The following BEGAIN variants were observed in gnomAD, a reference collection of about 807,000 sequenced individuals.
The protein encoded by BEGAIN is brain-enriched guanylate kinase-associated protein.
BEGAIN carries 19 observed loss-of-function variants against 35.8 expected under a neutral mutation model. The ratio of observed to expected loss-of-function variants is 0.53; its 90% confidence interval spans 0.37 to 0.78. BEGAIN has a LOEUF of 0.78. Among genes scored for constraint, BEGAIN ranks in the 30% least tolerant of loss-of-function variants. The pLI is 0.00. For missense variants in BEGAIN, 795 were observed against 853.6 expected, an observed-to-expected ratio of 0.93 and a Z score of 0.85; for synonymous variants, 462 against 388.6, an observed-to-expected ratio of 1.19 and a Z score of -2.22.
intron 5 of BEGAIN, among the ~76,000 whole-genome samples, chr14:100,542,345 C>T (rs915788319): frequency 7.2e-5 from 11 of 152,238 alleles, no homozygotes; most frequent in Admixed American, 5.9e-4. Context: ...CGCCTGGTGT[C>T]CCCCAGCCTA....
At chr14:100,571,881 G>C (rs2035090480) in intron 1 of BEGAIN, among the ~76,000 whole-genome samples, 1 of 152,176 alleles carries the variant, frequency 6.6e-6, no homozygotes, top group Non-Finnish European at 1.5e-5. Context: ...TGCACGGCCG[G>C]GGCCTCCCTT....
chr14:100,576,641 GA>G (rs1260470962), intron 1 of BEGAIN, among the ~76,000 whole-genome samples: 7 of 152,272 alleles, frequency 4.6e-5, no homozygotes, highest in African/African-American at 1.4e-4. Context: ...AGCCCACGAG[GA>G]CCCTCCCTGG....
In BEGAIN at chr14:100,538,096, G is replaced by A; in HGVS notation, c.1712C>T (p.Ala571Val). 6.3e-7 allele frequency: 1 copy of A among 1,581,044 alleles called. No individual in the cohort carries two copies. Residue 571 changes from alanine (A) to valine (V), a missense_variant, in exon 7 of 7, where the codon GCC becomes GTC. Ala to Val is a moderately conservative substitution (Grantham distance 64). Coordinates refer to ENST00000554140, the MANE Select transcript of BEGAIN (RefSeq NM_001385089.1). ...GGCGGCAGGATGCATTTCCGGGGAG[G>A]CCTCCATGGAGCTCGGCTCCAAGGA... is the stretch of plus-strand genomic sequence containing the variant. ...RDSLEPSSME[A>V]SPEMHPAARL...
chr14:100,555,657 A>T lies in BEGAIN; in HGVS notation c.72-8995T>A, dbSNP rs1460537798. Among the ~76,000 whole-genome samples, 6 of 152,360 alleles carry T rather than the reference A, an allele frequency of 3.9e-5. No individual in the cohort carries two copies. In the East Asian group the frequency reaches 1.2e-3, roughly 29 times the overall value. On this transcript the variant is annotated intron_variant, in intron 2 of 6. Coordinates refer to ENST00000554140, the MANE Select transcript of BEGAIN (RefSeq NM_001385089.1). The stretch of plus-strand genomic sequence containing the variant: ...CATTCTAGGCCAGCCTCACACTGAG[A>T]TGCCAGATTTTAATGTAAATAGTAG...
chr14:100,540,488 C>A lies in BEGAIN; in HGVS notation c.492+8G>T. 1.3e-6 allele frequency: 2 copies of A among 1,585,696 alleles called. No homozygotes were observed. Among genetic ancestry groups the A allele is most frequent in the Non-Finnish European group, 1.7e-6 (2 of 1,166,838 alleles). On this transcript the variant is annotated splice_region_variant and intron_variant, in intron 6 of 6. Transcript: ENST00000554140. ...GGCGGGGTGGGCCTGGCTGCGGGGCCACGTTACCTCAGACACCTTGTGGAC... is the reference window on the plus strand; with the variant it reads ...GGCGGGGTGGGCCTGGCTGCGGGGCAACGTTACCTCAGACACCTTGTGGAC...
intron 1 of BEGAIN, among the ~76,000 whole-genome samples, chr14:100,584,357 G>A (rs1373220017): frequency 6.6e-6 from 1 of 152,202 alleles, no homozygotes; most frequent in Non-Finnish European, 1.5e-5. Context: ...GCTGAGGCAA[G>A]GGCCACTTTT....
At position 100,538,379 on chromosome 14, in the gene BEGAIN, T is replaced by C. The variant is rs2030931088; in HGVS notation, c.1429A>G (p.Lys477Glu). 4.0e-6 allele frequency: 6 copies of C among 1,515,072 alleles called. No individual in the cohort carries two copies. The highest frequency in any genetic ancestry group is 5.3e-6 in the Non-Finnish European group (6 of 1,139,160). The allele number at this position is 1,515,072 out of a possible 1,614,324, so 93.9% of individuals were successfully genotyped here. A position where few individuals can be genotyped will look rare whatever the true frequency, so the allele number is the denominator to read the frequency against. The change falls in exon 7 of 7, where the codon AAG becomes GAG. Residue 477 changes from lysine to glutamate, a missense_variant. Coordinates refer to ENST00000554140, the MANE Select transcript of BEGAIN (RefSeq NM_001385089.1). ...GGGCTGGCGCGGCCGTCGGCCTTCT[T>C]GCCCGGGCTGCCCCCGGCCCCGCCG... is the stretch of plus-strand genomic sequence containing the variant. Reference protein sequence around the residue: ...YYGGAGGSPGKKADGRASPLY... With the variant: ...YYGGAGGSPGEKADGRASPLY...
Position 100,586,481 on chromosome 14 carries a change from C to G in BEGAIN, c.42+768G>C, listed in dbSNP as rs565537596. On this transcript the variant is annotated intron_variant, in intron 1 of 6. Coordinates refer to ENST00000554140, the MANE Select transcript of BEGAIN (RefSeq NM_001385089.1). The surrounding 1 kb of genome is among the most constrained non-coding windows in gnomAD (Gnocchi z 4.9). ...CAGCGCGTCGCCCACGCTGTTCCTGCCCTGAGGAAACCACATTGGGGATGG... is the reference window on the plus strand; with the variant it reads ...CAGCGCGTCGCCCACGCTGTTCCTGGCCTGAGGAAACCACATTGGGGATGG... 2.1e-3 allele frequency among the ~76,000 whole-genome samples: 320 copies of G among 152,260 alleles called. 1 individual carries two copies. The highest frequency in any genetic ancestry group is 7.4e-3 in the African/African-American group (307 of 41,564).
At chr14:100,542,465 C>T (rs549141263) in intron 5 of BEGAIN, among the ~76,000 whole-genome samples, 1 of 152,342 alleles carries the variant, frequency 6.6e-6, no homozygotes, top group East Asian at 1.9e-4. Context: ...CCGGCCTTCA[C>T]GCTCAACTCC....
intron 4 of BEGAIN, 73 bp downstream of exon 4, chr14:100,544,927 G>T: frequency 6.8e-7 from 1 of 1,470,098 alleles, no homozygotes; most frequent in Non-Finnish European, 9.4e-7. Flanking sequence ...AGTGGCCCAG[G>T]GGTGTCAGCT....
chr14:100,566,661 CG>C (rs1281833628), intron 2 of BEGAIN, among the ~76,000 whole-genome samples: 3 of 152,172 alleles, frequency 2.0e-5, no homozygotes, highest in Admixed American at 6.5e-5. Flanking sequence ...TGGGCCTCAC[CG>C]CCCCCACCTG....
chr14:100,538,736 G>C lies in BEGAIN; in HGVS notation c.1072C>G (p.Pro358Ala). 1 of 1,569,516 alleles carries C rather than the reference G, an allele frequency of 6.4e-7. No individual in the cohort carries two copies. Among genetic ancestry groups the C allele is most frequent in the Non-Finnish European group, 8.6e-7 (1 of 1,158,104 alleles). The change falls in exon 7 of 7, where the codon CCC (proline) becomes GCC (alanine). Residue 358 changes from proline to alanine, a missense_variant. By Grantham distance (27) the Pro-to-Ala change is conservative. This residue lies in a region of BEGAIN where 664 missense variants were observed against 647.7 expected (regional missense o/e 1.03). Coordinates refer to ENST00000554140, the MANE Select transcript of BEGAIN (RefSeq NM_001385089.1). ...SRDELFDRKP[P>A]ATTYEGSPRF... is the part of the protein sequence containing the mutation. ...GGGCTGCCCTCGTAGGTGGTGGCGG[G>C]TGGCTTGCGGTCGAAGAGCTCGTCG...
chr14:100,573,357 C>T lies in BEGAIN; in HGVS notation c.43-5418G>A, dbSNP rs566322730. Among the ~76,000 whole-genome samples the T allele has an allele frequency of 2.0e-5, 3 of 152,006 alleles. No individual in the cohort carries two copies. Among genetic ancestry groups the T allele is most frequent in the African/African-American group, 7.2e-5 (3 of 41,386 alleles). On this transcript the variant is annotated intron_variant, in intron 1 of 6. Coordinates refer to ENST00000554140, the MANE Select transcript of BEGAIN (RefSeq NM_001385089.1). The surrounding 1 kb of genome is among the most constrained non-coding windows in gnomAD (Gnocchi z 4.2). The stretch of plus-strand genomic sequence containing the variant: ...GGAGGTCGCTAGAGGAGCAGCCCTG[C>T]GGCTGTGCCTGGTGAGTTGGGAAGC...
intron 2 of BEGAIN, among the ~76,000 whole-genome samples, chr14:100,561,264 G>C (rs1225774557): frequency 6.6e-6 from 1 of 152,196 alleles, no homozygotes; most frequent in East Asian, 1.9e-4. Flanking sequence ...TGATGTCACC[G>C]CCCAAGGGGT....
chr14:100,558,470 G>T lies in BEGAIN; in HGVS notation c.71+9441C>A, dbSNP rs1274899420. Among the ~76,000 whole-genome samples the T allele has an allele frequency of 6.6e-6, 1 of 152,108 alleles. No individual in the cohort carries two copies. The highest frequency in any genetic ancestry group is 1.5e-5 in the Non-Finnish European group (1 of 68,020). ...GCGTGTCCCGGGGATCTGGCCTCCG[G>T]CATCTCCTTCCCTGGGTGCACTCAC... is the stretch of plus-strand genomic sequence containing the variant. On this transcript the variant is annotated intron_variant, in intron 2 of 6. Coordinates refer to ENST00000554140, the MANE Select transcript of BEGAIN (RefSeq NM_001385089.1). The surrounding 1 kb of genome is among the most constrained non-coding windows in gnomAD (Gnocchi z 4.6).
At chr14:100,580,988 C>T (rs1215270914) in intron 1 of BEGAIN, among the ~76,000 whole-genome samples, 2 of 152,166 alleles carry the variant, frequency 1.3e-5, no homozygotes, top group Non-Finnish European at 2.9e-5. Context: ...CCTCTACACC[C>T]GGACAGCCCT....
chr14:100,554,681 C>T (rs1010921119), intron 2 of BEGAIN, among the ~76,000 whole-genome samples: 1 of 152,066 alleles, frequency 6.6e-6, no homozygotes, highest in African/African-American at 2.4e-5. Context: ...TTGAGTGTTG[C>T]AGTGCCAGGT....
Position 100,538,693 on chromosome 14 carries a change from G to A in BEGAIN, c.1115C>T (p.Thr372Met), listed in dbSNP as rs1273560314. ...CTCCAGCGGGGCCGCCACCGCGGCC[G>A]TGGCCTTGGCAAAGCGAGGGCTGCC... is the stretch of plus-strand genomic sequence containing the variant. ...YEGSPRFAKATAAVAAPLEAE... is the reference protein window; with the variant it reads ...YEGSPRFAKAMAAVAAPLEAE... Residue 372 changes from threonine to methionine, a missense_variant, in exon 7 of 7, where the codon ACG becomes ATG. Physicochemically the swap from Thr to Met is moderately conservative, Grantham distance 81 (BLOSUM62 -1). Transcript: ENST00000554140. 4 of 1,557,244 alleles carry A rather than the reference G, an allele frequency of 2.6e-6. No homozygotes were observed. Among genetic ancestry groups the A allele is most frequent in the South Asian group, 2.4e-5 (2 of 84,662 alleles).
intron 2 of BEGAIN, chr14:100,550,344 G>T (rs1255570112): frequency 1.0e-5 from 4 of 398,496 alleles, no homozygotes; most frequent in African/African-American, 2.1e-5. Flanking sequence ...CGGGGAGTTG[G>T]ACACAGACAC....
Sources: allele counts gnomAD v4.1 joint callset (sites outside exome capture counted in the v4.1 genomes callset), GRCh38; gene constraint gnomAD v4.1.1; regional missense constraint gnomAD v4.1.1; non-coding constraint Gnocchi (gnomAD v3.1); transcripts MANE v1.5; gene names NCBI Gene and HGNC (gene_info 2026-07-23, HGNC 2026-07-21).